Variants in STON2 observed in about 807,000 individuals in gnomAD.
STON2 encodes stonin-2.
A neutral mutation model predicts 65.7 loss-of-function variants in STON2; 29 were observed. The ratio of observed to expected loss-of-function variants is 0.44; its 90% CI spans 0.33 to 0.60. The LOEUF is 0.60. Ranked by LOEUF, STON2 falls within the 20% of genes least tolerant of loss-of-function variation. The pLI is 0.03. For missense variants in STON2, 1,054 were observed against 1,118.1 expected (o/e 0.94, Z 0.82); for synonymous variants, 404 against 414.2 (o/e 0.98, Z 0.30).
At chr14:81,298,179 T>G (rs985344169) in intron 5 of STON2, among the ~76,000 whole-genome samples, 6 of 152,212 alleles carry the variant, frequency 3.9e-5, no homozygotes, top group African/African-American at 1.4e-4. Context: ...GGCTCTATAA[T>G]TCCAGCGATG....
exon 1 of STON2, chr14:81,436,419 T>TC (rs1227043900): frequency 5.9e-5 from 9 of 151,486 alleles, no homozygotes; most frequent in African/African-American, 1.2e-4. Context: ...CGCACTGCTC[T>TC]CGCCACGATC....
At chr14:81,351,361 G>A (rs1024572931) in intron 4 of STON2, among the ~76,000 whole-genome samples, 2 of 152,042 alleles carry the variant, frequency 1.3e-5, no homozygotes, top group African/African-American at 2.4e-5. Context: ...GGACTGAAGA[G>A]TTTGGTAGGG....
At chr14:81,395,178 T>C (rs1463582869) in intron 3 of STON2, 1 of 152,212 alleles carries the variant, frequency 6.6e-6, no homozygotes, top group Non-Finnish European at 1.5e-5. Flanking sequence ...AATATCCATG[T>C]TTAACAAATC....
intron 2 of STON2, among the ~76,000 whole-genome samples, chr14:81,416,392 A>G (rs1367860437): frequency 6.6e-6 from 1 of 152,178 alleles, no homozygotes; most frequent in Non-Finnish European, 1.5e-5. Flanking sequence ...CGGGAAAAAA[A>G]GGAAGTAGTG....
At chr14:81,358,526 G>A (rs985652198) in intron 4 of STON2, among the ~76,000 whole-genome samples, 9 of 152,050 alleles carry the variant, frequency 5.9e-5, no homozygotes, top group African/African-American at 1.9e-4. Context: ...TTAATAAAAT[G>A]GCAGTGGTAA....
At chr14:81,409,427 A>G (rs1003789203) in intron 2 of STON2, among the ~76,000 whole-genome samples, 31 of 75,848 alleles carry the variant, frequency 4.1e-4, no homozygotes, top group Admixed American at 7.3e-4. Flanking sequence ...AAATAAATAT[A>G]AAAATATATA....
At chr14:81,390,882 G>C (rs2140423521) in intron 3 of STON2, among the ~76,000 whole-genome samples, 1 of 152,356 alleles carries the variant, frequency 6.6e-6, no homozygotes, top group African/African-American at 2.4e-5. Context: ...GGAAGCATCT[G>C]TTTCTTGTAT....
At chr14:81,358,967 T>C (rs1488900173) in intron 4 of STON2, among the ~76,000 whole-genome samples, 1 of 152,162 alleles carries the variant, frequency 6.6e-6, no homozygotes, top group Admixed American at 6.6e-5. Flanking sequence ...CTATGTTCAA[T>C]AATGGCCAGA....
chr14:81,422,209 C>T (rs1356999192), intron 2 of STON2, among the ~76,000 whole-genome samples: 1 of 152,142 alleles, frequency 6.6e-6, no homozygotes, highest in East Asian at 1.9e-4. Flanking sequence ...CTATGAATGG[C>T]TTGGTACCAT....
At chr14:81,364,697 G>A (rs1008106587) in intron 4 of STON2, among the ~76,000 whole-genome samples, 3 of 151,934 alleles carry the variant, frequency 2.0e-5, no homozygotes, top group East Asian at 3.9e-4. Context: ...TTTAATAAGC[G>A]AATACATGTT....
intron 4 of STON2, among the ~76,000 whole-genome samples, chr14:81,355,046 G>C (rs1233252399): frequency 6.6e-6 from 1 of 151,240 alleles, no homozygotes; most frequent in African/African-American, 2.4e-5. Flanking sequence ...ATGGAAGAAA[G>C]AATGAGTGAG....
At chr14:81,286,000 T>C (rs1017866120) in intron 5 of STON2, among the ~76,000 whole-genome samples, 1 of 151,752 alleles carries the variant, frequency 6.6e-6, no homozygotes, top group Non-Finnish European at 1.5e-5. Flanking sequence ...ATACAAAAAT[T>C]AGCTGGGCAT....
intron 4 of STON2, among the ~76,000 whole-genome samples, chr14:81,343,068 A>G (rs987695990): frequency 1.3e-5 from 2 of 152,140 alleles, no homozygotes; most frequent in Non-Finnish European, 2.9e-5. Context: ...CTTTCCTTAG[A>G]TACCAGTACC....
chr14:81,276,651 A>G (rs1000827591), intron 6 of STON2, among the ~76,000 whole-genome samples: 1 of 152,268 alleles, frequency 6.6e-6, no homozygotes, highest in African/African-American at 2.4e-5. Flanking sequence ...TTAGCAGCTC[A>G]GCTGAGAAGA....
chr14:81,358,539 T>G (rs1205433551), intron 4 of STON2, among the ~76,000 whole-genome samples: 1 of 152,146 alleles, frequency 6.6e-6, no homozygotes, highest in Non-Finnish European at 1.5e-5. Context: ...AGTGGTAAGT[T>G]TTTACCTATT....
At chr14:81,353,422 A>G (rs1898099974) in intron 4 of STON2, among the ~76,000 whole-genome samples, 1 of 152,174 alleles carries the variant, frequency 6.6e-6, no homozygotes, top group African/African-American at 2.4e-5. Flanking sequence ...ACCACCCCCA[A>G]CAAAGAGTTC....
At chr14:81,289,390 A>G (rs1259844257) in intron 5 of STON2, among the ~76,000 whole-genome samples, 6 of 152,152 alleles carry the variant, frequency 3.9e-5, no homozygotes, top group Admixed American at 3.3e-4. Context: ...TTTATAAAAG[A>G]TTAGGGAATA....
Position 81,423,034 on chromosome 14 carries a change from C to CAA in STON2, c.-199+4066_-199+4067dup, listed in dbSNP as rs112442216. On this transcript the variant is annotated intron_variant, in intron 2 of 8. Coordinates refer to the STON2 transcript ENST00000553821. ...TGGGAGACAGGGCAAGACTCTGTCT[C>CAA]AAAAAAAAAAAAAGATTTCTAGATT... Among the ~76,000 whole-genome samples the CAA allele has an allele frequency of 7.3e-4, 100 of 136,254 alleles. 1 individual carries two copies. Among genetic ancestry groups the CAA allele is most frequent in the African/African-American group, 2.3e-3 (88 of 38,310 alleles). The allele number at this position is 136,254 out of a possible 152,430, so 89.4% of individuals were successfully genotyped here. A position where few individuals can be genotyped will look rare whatever the true frequency, so the allele number is the denominator to read the frequency against.
intron 4 of STON2, among the ~76,000 whole-genome samples, chr14:81,356,060 G>A (rs1159845944): frequency 1.3e-5 from 2 of 152,178 alleles, no homozygotes; most frequent in Non-Finnish European, 2.9e-5. Context: ...TAGGAGTGGT[G>A]AGAGAGGGCA....
Sources: allele counts gnomAD v4.1 joint callset (sites outside exome capture counted in the v4.1 genomes callset), GRCh38; gene constraint gnomAD v4.1.1; transcripts MANE v1.5; gene names NCBI Gene and HGNC (gene_info 2026-07-23, HGNC 2026-07-21).